The following SPEG variants were observed in gnomAD, a reference collection of about 807,000 sequenced individuals.
SPEG encodes the protein striated muscle preferentially expressed protein kinase.
A neutral mutation model predicts 300.4 loss-of-function variants in SPEG; 114 were observed. The observed-to-expected ratio is 0.38, with a 90% CI of 0.33 to 0.44. The LOEUF is 0.44. Among genes scored for constraint, SPEG ranks in the 20% least tolerant of loss-of-function variants. The probability of loss-of-function intolerance (pLI) is 1.00; values close to 1 mark genes in which losing one functional copy is unlikely to be tolerated. For missense variants in SPEG, 4,201 were observed against 4,586.2 expected (o/e 0.92, Z 2.43); for synonymous variants, 1,964 against 2,018.9 (o/e 0.97, Z 0.73).
chr2:219,492,371 A>G, intron 40 of SPEG, 111 bp downstream of exon 40: 6 of 1,301,834 alleles, frequency 4.6e-6, no homozygotes, highest in Non-Finnish European at 6.4e-6. Context: ...TGCTGCTTCT[A>G]CTAAATGGTC....
At chr2:219,435,774 G>C (rs1275228416) in intron 1 of SPEG, among the ~76,000 whole-genome samples, 1 of 152,250 alleles carries the variant, frequency 6.6e-6, no homozygotes, top group Non-Finnish European at 1.5e-5. Context: ...CATGTCCGAA[G>C]GAGGGGGCCA....
Position 219,473,204 on chromosome 2 carries a change from G to A in SPEG, c.4147+108G>A. 1.8e-6 allele frequency: 2 copies of A among 1,141,284 alleles called. No individual in the cohort carries two copies. The highest frequency in any genetic ancestry group is 1.5e-5 in the African/African-American group (1 of 65,416). 70.7% of individuals were successfully genotyped at this position (1,141,284 alleles called of 1,614,324 possible). On this transcript the variant is annotated intron_variant, in intron 16 of 40. Coordinates refer to ENST00000312358, the MANE Select transcript of SPEG (RefSeq NM_005876.5). The surrounding 1 kb of genome is among the most constrained non-coding windows in gnomAD (Gnocchi z 4.6). The stretch of plus-strand genomic sequence containing the variant: ...GGCCTGGACATGGTAACTGGCAGGA[G>A]CAGCCTAGCCGGGCGGGACCTTGGC...
rs1271161744 is a variant in SPEG at position 219,458,418 on chromosome 2, G to A, written c.2441-3464G>A. ...TTTCTTTTTTTTTTTTTCCCAATAA[G>A]CGTTTTGCACTCTTAAGAAATGCAG... On this transcript the variant is annotated intron_variant, in intron 6 of 40. Transcript: ENST00000312358. This position sits in a 1 kb window ranked among gnomAD's most constrained non-coding sequence, Gnocchi z 4.2. 6.6e-6 allele frequency among the ~76,000 whole-genome samples: 1 copy of A among 150,886 alleles called. No homozygotes were observed. The highest frequency in any genetic ancestry group is 2.1e-4 in the South Asian group (1 of 4,784).
Position 219,451,162 on chromosome 2 carries a change from G to T in SPEG, c.2140G>T (p.Ala714Ser). The T allele has an allele frequency of 1.2e-6, 2 of 1,613,480 alleles. No individual in the cohort carries two copies. The highest frequency in any genetic ancestry group is 1.7e-6 in the Non-Finnish European group (2 of 1,179,782). Residue 714 changes from alanine (A) to serine (S), a missense_variant, in exon 5 of 41, where the codon GCT becomes TCT. Physicochemically the swap from Ala to Ser is moderately conservative, Grantham distance 99. Around this residue, in one of 4 missense-constraint regions of SPEG, gnomAD observed 1,258 missense variants for 1,293.9 expected, o/e 0.97. Transcript: ENST00000312358. This position sits in a 1 kb window ranked among gnomAD's most constrained non-coding sequence, Gnocchi z 6.4. ...GTCTTCGGATGACTCCTACGTGTCC[G>T]CTGGAGAAGAGCCCCTAGAGGCCCC... Reference protein sequence around the residue: ...LESSDDSYVSAGEEPLEAPVF... With the variant: ...LESSDDSYVSSGEEPLEAPVF...
At position 219,483,424 on chromosome 2, in the gene SPEG, C is replaced by A; in HGVS notation, c.5961C>A (p.Pro1987=). The change falls in exon 30 of 41, where the codon CCC becomes CCA. Residue 1987 remains proline, a synonymous_variant. Transcript: ENST00000312358. The part of the protein sequence containing the change: ...GRAPSQDQEA[P]SPEALPSPGQ... ...CTCCCTCTCAGGACCAGGAGGCTCCCAGCCCAGAGGCCCTCCCCTCCCCAG... is the reference window on the plus strand; with the variant it reads ...CTCCCTCTCAGGACCAGGAGGCTCCAAGCCCAGAGGCCCTCCCCTCCCCAG... 6.4e-7 allele frequency: 1 copy of A among 1,573,736 alleles called. No individual in the cohort carries two copies. Among genetic ancestry groups the A allele is most frequent in the Non-Finnish European group, 8.6e-7 (1 of 1,167,112 alleles).
chr2:219,490,553 C>T lies in SPEG; in HGVS notation c.9066C>T (p.Ile3022=). ...EVLRTLHHER[I]MSLHEAYITP... is the part of the protein sequence containing the mutation. ...TGCGGACCCTGCACCACGAGCGGAT[C>T]ATGTCCCTGCACGAGGCCTACATCA... is the stretch of plus-strand genomic sequence containing the variant. The change falls in exon 37 of 41, where the codon ATC becomes ATT. Residue 3022 remains isoleucine, a synonymous_variant. Coordinates refer to ENST00000312358, the MANE Select transcript of SPEG (RefSeq NM_005876.5). The T allele has an allele frequency of 1.2e-6, 2 of 1,613,876 alleles. No individual in the cohort carries two copies. The highest frequency in any genetic ancestry group is 1.1e-5 in the South Asian group (1 of 91,090).
chr2:219,476,931 C>G lies in SPEG; in HGVS notation c.4509C>G (p.Arg1503=). 6.2e-7 allele frequency: 1 copy of G among 1,613,184 alleles called. No individual in the cohort carries two copies. Among genetic ancestry groups the G allele is most frequent in the East Asian group, 2.2e-5 (1 of 44,824 alleles). The change falls in exon 19 of 41, where the codon CGC becomes CGG. Residue 1503 remains arginine, a synonymous_variant. Transcript: ENST00000312358. The part of the protein sequence containing the change: ...DVEVGAGETA[R]FAVVVEGKPL... ...AGGTGGGGGCTGGGGAAACTGCTCGCTTTGCGGTGGTGGTCGAGGGAAAAC... is the reference window on the plus strand; with the variant it reads ...AGGTGGGGGCTGGGGAAACTGCTCGGTTTGCGGTGGTGGTCGAGGGAAAAC...
intron 6 of SPEG, among the ~76,000 whole-genome samples, chr2:219,456,940 AAAAAG>A (rs1333215700): frequency 3.9e-5 from 2 of 50,944 alleles, no homozygotes; most frequent in Non-Finnish European, 1.3e-4. Flanking sequence ...GAAAAAGAAA[AAAAAG>A]AAAAGAAAAA....
In SPEG at chr2:219,435,049, G is replaced by T. The variant is rs914121765; in HGVS notation, c.72G>T (p.Pro24=). The stretch of plus-strand genomic sequence containing the variant: ...CACCCCCCAGCCCCGGAGTGCCCCC[G>T]AAAAGGGCCAAGGTGGGGGCCGGCG... ...TRAPPSPGVP[P]KRAKVGAGGG... Residue 24 remains proline (P), a synonymous_variant, in exon 1 of 41, where the codon CCG becomes CCT. Coordinates refer to ENST00000312358, the MANE Select transcript of SPEG (RefSeq NM_005876.5). The T allele has an allele frequency of 1.3e-6, 2 of 1,492,410 alleles. No individual in the cohort carries two copies. The highest frequency in any genetic ancestry group is 2.5e-5 in the South Asian group (2 of 80,014). 92.4% of individuals were successfully genotyped at this position (1,492,410 alleles called of 1,614,324 possible).
chr2:219,479,580 G>A lies in SPEG; in HGVS notation c.5086-203G>A, dbSNP rs1033032838. 2.6e-5 allele frequency among the ~76,000 whole-genome samples: 4 copies of A among 152,220 alleles called. No homozygotes were observed. The highest frequency in any genetic ancestry group is 3.9e-4 in the East Asian group (2 of 5,182). On this transcript the variant is annotated intron_variant, in intron 23 of 40. Coordinates refer to ENST00000312358, the MANE Select transcript of SPEG (RefSeq NM_005876.5). This position sits in a 1 kb window ranked among gnomAD's most constrained non-coding sequence, Gnocchi z 5.5. The stretch of plus-strand genomic sequence containing the variant: ...ACTGCACAATTCTACTTATTACCAC[G>A]CAATGGCTCCTCCCTATAATTGTGC...
intron 22 of SPEG, among the ~76,000 whole-genome samples, chr2:219,478,668 C>T (rs1692557299): frequency 6.6e-6 from 1 of 152,164 alleles, no homozygotes; most frequent in Non-Finnish European, 1.5e-5. Flanking sequence ...AGCAGGGTGA[C>T]CGTAACCTGC....
chr2:219,442,058 A>C, intron 1 of SPEG: 2 of 1,185,782 alleles, frequency 1.7e-6, no homozygotes, highest in Non-Finnish European at 2.1e-6. Context: ...GCCATGAAGA[A>C]GCTGTGGGTG....
chr2:219,459,409 T>C lies in SPEG; in HGVS notation c.2441-2473T>C, dbSNP rs1690457719. On this transcript the variant is annotated intron_variant, in intron 6 of 40. Transcript: ENST00000312358. This position sits in a 1 kb window ranked among gnomAD's most constrained non-coding sequence, Gnocchi z 4.9. ...GGATTCTGGTATGGAGCCTCAGGAA[T>C]CCTCGATCAGCTTCCTTGGTCACTC... is the stretch of plus-strand genomic sequence containing the variant. Among the ~76,000 whole-genome samples, 1 of 152,184 alleles carries C rather than the reference T, an allele frequency of 6.6e-6. No individual in the cohort carries two copies. Among genetic ancestry groups the C allele is most frequent in the Admixed American group, 6.5e-5 (1 of 15,282 alleles).
Position 219,448,886 on chromosome 2 carries a change from G to A in SPEG, c.1728G>A (p.Pro576=), listed in dbSNP as rs1043894925. Residue 576 remains proline, a synonymous_variant, in exon 4 of 41, where the codon CCG becomes CCA. Coordinates refer to ENST00000312358, the MANE Select transcript of SPEG (RefSeq NM_005876.5). ...DEPGRPRSRG[P]AGRTEPGEGP... is the part of the protein sequence containing the mutation. ...CTGGGAGGCCCAGGAGCCGCGGGCC[G>A]GCGGGCAGGACAGAGCCGGGGGAAG... The A allele has an allele frequency of 7.8e-6, 11 of 1,412,384 alleles. No individual in the cohort carries two copies. The highest frequency in any genetic ancestry group is 1.0e-5 in the Non-Finnish European group (11 of 1,092,078). 87.5% of individuals were successfully genotyped at this position (1,412,384 alleles called of 1,614,324 possible).
chr2:219,490,744 C>G lies in SPEG; in HGVS notation c.9173C>G (p.Ser3058Cys). 1 of 1,614,078 alleles carries G rather than the reference C, an allele frequency of 6.2e-7. No homozygotes were observed. The highest frequency in any genetic ancestry group is 8.5e-7 in the Non-Finnish European group (1 of 1,180,002). Reference protein sequence around the residue: ...LCGLSDRFRYSEDDVATYMVQ... With the variant: ...LCGLSDRFRYCEDDVATYMVQ... Reference sequence around the variant, plus strand: ...CCCTGCCCTCCCAGGTTCCGGTATTCTGAGGATGACGTGGCCACTTACATG... The same window carrying G: ...CCCTGCCCTCCCAGGTTCCGGTATTGTGAGGATGACGTGGCCACTTACATG... The change falls in exon 38 of 41, where the codon TCT becomes TGT. Residue 3058 changes from serine to cysteine, a missense_variant. This residue lies in a region of SPEG where 318 missense variants were observed against 429.5 expected (regional missense o/e 0.74). Transcript: ENST00000312358.
chr2:219,457,027 A>C (rs1211150446), intron 6 of SPEG, among the ~76,000 whole-genome samples: 1 of 152,202 alleles, frequency 6.6e-6, no homozygotes, highest in Admixed American at 6.5e-5. Flanking sequence ...GTACATTTTG[A>C]ACTAAGCCTG....
rs371924301 is a variant in SPEG, at chr2:219,483,272, C to T, written c.5809C>T (p.Arg1937Cys). Reference sequence around the variant, plus strand: ...GCTGGAAGAGCTGCCCTCAGTGCCCCGCCCACTGCAGCCCGAGTTCTCTGG... The same window carrying T: ...GCTGGAAGAGCTGCCCTCAGTGCCCTGCCCACTGCAGCCCGAGTTCTCTGG... ...EELEELPSVP[R>C]PLQPEFSGSR... Residue 1937 changes from arginine (R) to cysteine (C), a missense_variant, in exon 30 of 41, where the codon CGC becomes TGC. Coordinates refer to ENST00000312358, the MANE Select transcript of SPEG (RefSeq NM_005876.5). 20 of 1,608,210 alleles carry T rather than the reference C, an allele frequency of 1.2e-5. No individual in the cohort carries two copies. In the African/African-American group the frequency reaches 1.5e-4, roughly 12 times the overall value.
rs757669521 is a variant in SPEG, at chr2:219,473,462, G to T, written c.4148-42G>T. The T allele has an allele frequency of 1.3e-5, 21 of 1,599,000 alleles. No individual in the cohort carries two copies. Among genetic ancestry groups the T allele is most frequent in the Admixed American group, 8.4e-5 (5 of 59,758 alleles). The stretch of plus-strand genomic sequence containing the variant: ...GAGGAGTGGTGGGTGCTGAGGACCT[G>T]ATGTCAAGCCCAGCACAGAGCCTGC... On this transcript the variant is annotated intron_variant, in intron 16 of 40. Transcript: ENST00000312358. The surrounding 1 kb of genome is among the most constrained non-coding windows in gnomAD (Gnocchi z 4.6).
Position 219,473,825 on chromosome 2 carries a change from C to G in SPEG, c.4369C>G (p.Arg1457Gly). ...TCTTCGGATCTGCCGGGTGAGCCGC[C>G]GGGACATGGGGGCCCTCACCTGCAC... ...YCLRICRVSRRDMGALTCTAR... is the reference protein window; with the variant it reads ...YCLRICRVSRGDMGALTCTAR... Residue 1457 changes from arginine (R) to glycine (G), a missense_variant, in exon 18 of 41, where the codon CGG becomes GGG. Coordinates refer to ENST00000312358, the MANE Select transcript of SPEG (RefSeq NM_005876.5). The surrounding 1 kb of genome is among the most constrained non-coding windows in gnomAD (Gnocchi z 4.6). The G allele has an allele frequency of 1.2e-6, 2 of 1,613,846 alleles. No homozygotes were observed. Among genetic ancestry groups the G allele is most frequent in the South Asian group, 2.2e-5 (2 of 91,086 alleles).
Sources: allele counts gnomAD v4.1 joint callset (sites outside exome capture counted in the v4.1 genomes callset), GRCh38; gene constraint gnomAD v4.1.1; regional missense constraint gnomAD v4.1.1; non-coding constraint Gnocchi (gnomAD v3.1); transcripts MANE v1.5; gene names NCBI Gene and HGNC (gene_info 2026-07-23, HGNC 2026-07-21).